FAIM: variants seen among roughly 807,000 people sequenced by gnomAD.
FAIM encodes the protein fas apoptotic inhibitory molecule 1.
A neutral mutation model predicts 21.2 loss-of-function variants in FAIM; 14 were observed. That is an observed-to-expected ratio of 0.66 (90% confidence interval 0.44 to 1.03). FAIM has a LOEUF of 1.03. Ranked by LOEUF, FAIM falls within the 50% of genes least tolerant of loss-of-function variation. The probability of loss-of-function intolerance (pLI) is 0.00; values close to 1 mark genes in which losing one functional copy is unlikely to be tolerated. For synonymous variants in FAIM, 86 were observed against 80.4 expected, an observed-to-expected ratio of 1.07 and a Z score of -0.37; for missense variants, 222 against 247.1, an observed-to-expected ratio of 0.90 and a Z score of 0.68.
At chr3:138,619,518 G>A (rs898543128) in intron 1 of FAIM, among the ~76,000 whole-genome samples, 193 bp from the exon 2 acceptor site, 2 of 152,202 alleles carry the variant, frequency 1.3e-5, no homozygotes, top group Admixed American at 1.3e-4. Flanking sequence ...TTTGCATGAT[G>A]TAACATCTTT....
At chr3:138,627,597 A>T (rs969670207) in intron 4 of FAIM, among the ~76,000 whole-genome samples, 4 of 152,204 alleles carry the variant, frequency 2.6e-5, no homozygotes, top group Non-Finnish European at 4.4e-5. Context: ...GTACACGTAC[A>T]TGTTCAGTAA....
intron 2 of FAIM, 33 bp from the exon 3 acceptor site, chr3:138,621,374 G>A: frequency 6.2e-7 from 1 of 1,600,556 alleles, no homozygotes. Flanking sequence ...TAGTATTTTG[G>A]CCTACTATAA....
At chr3:138,615,704 A>T (rs1307077514) in intron 1 of FAIM, among the ~76,000 whole-genome samples, 1 of 152,224 alleles carries the variant, frequency 6.6e-6, no homozygotes, top group African/African-American at 2.4e-5. Context: ...TTTCCCTGAT[A>T]TGAATGGCCA....
At chr3:138,629,032 G>A in intron 4 of FAIM, 75 bp from the exon 5 acceptor site, 2 of 1,154,522 alleles carry the variant, frequency 1.7e-6, no homozygotes, top group South Asian at 1.4e-5. Flanking sequence ...CTTTCCTAAA[G>A]TAATAAATAG....
intron 4 of FAIM, among the ~76,000 whole-genome samples, chr3:138,626,316 G>A (rs1374976227): frequency 1.3e-5 from 2 of 152,118 alleles, no homozygotes; most frequent in Non-Finnish European, 1.5e-5. Flanking sequence ...AAATCAAAAT[G>A]CTATTAAAAG....
chr3:138,616,708 GA>G (rs1453477292), intron 1 of FAIM, among the ~76,000 whole-genome samples: 2 of 152,076 alleles, frequency 1.3e-5, no homozygotes, highest in African/African-American at 4.8e-5. Flanking sequence ...TTTATAAAAA[GA>G]TTTTTTTAGT....
chr3:138,617,665 T>C (rs1267867282), intron 1 of FAIM, among the ~76,000 whole-genome samples: 1 of 140,430 alleles, frequency 7.1e-6, no homozygotes, highest in African/African-American at 2.6e-5. Context: ...AATATATATA[T>C]ATATGTTTTG....
At chr3:138,609,578 ACTCTCTCTCTCTCGACTCT>A (rs2042740093) in intron 1 of FAIM, among the ~76,000 whole-genome samples, 3 of 4,700 alleles carry the variant, frequency 6.4e-4, no homozygotes, top group African/African-American at 8.6e-4. Context: ...CTCTCTCTCG[ACTCTCTCTCTCTCGACTCT>A]CTCTCTCTCT....
In FAIM at chr3:138,621,516, C is replaced by T. The variant is rs775452682; in HGVS notation, c.154C>T (p.Arg52Ter). ...EFEHGTTSGK[R>*]VVYVDGKEEI... ...TGAACATGGGACTACATCAGGCAAA[C>T]GAGTAGTATATGTAGATGGAAAGGT... is the stretch of plus-strand genomic sequence containing the variant. The change falls in exon 3 of 6, where the codon CGA (arginine) becomes TGA (stop). Residue 52 changes from arginine to a stop codon, truncating the protein, a stop_gained. Transcript: ENST00000360570. LOFTEE classifies it high-confidence loss of function. 1.9e-5 allele frequency: 30 copies of T among 1,613,262 alleles called. No individual in the cohort carries two copies. The highest frequency in any genetic ancestry group is 8.0e-5 in the African/African-American group (6 of 74,752).
chr3:138,622,442 CTTTTTT>C (rs11303336), intron 4 of FAIM, 26 bp downstream of exon 4: 1 of 1,103,078 alleles, frequency 9.1e-7, no homozygotes. Flanking sequence ...TTCCGCAGAA[CTTTTTT>C]TTTTTTTTTA....
chr3:138,631,593 A>G (rs1038425312), intron 5 of FAIM, among the ~76,000 whole-genome samples: 1 of 152,194 alleles, frequency 6.6e-6, no homozygotes, highest in Non-Finnish European at 1.5e-5. Flanking sequence ...GGGCAGCCCC[A>G]TATCTAGGCA....
chr3:138,628,191 A>T (rs1002037694), intron 4 of FAIM, among the ~76,000 whole-genome samples: 4 of 152,028 alleles, frequency 2.6e-5, no homozygotes, highest in African/African-American at 9.7e-5. Context: ...AGCTATACCT[A>T]TTTTTTACTT....
At chr3:138,632,248 A>T (rs1212365440) in intron 5 of FAIM, among the ~76,000 whole-genome samples, 1 of 151,646 alleles carries the variant, frequency 6.6e-6, no homozygotes, top group Non-Finnish European at 1.5e-5. Flanking sequence ...ATTTAAATCA[A>T]TATACCAAAA....
chr3:138,624,921 T>C (rs1443717836), intron 4 of FAIM, among the ~76,000 whole-genome samples: 1 of 152,126 alleles, frequency 6.6e-6, no homozygotes, highest in Non-Finnish European at 1.5e-5. Context: ...ATCCCAGCAC[T>C]TTGGGAGGCT....
chr3:138,613,673 T>TG (rs1445380688), intron 1 of FAIM, among the ~76,000 whole-genome samples: 1 of 151,894 alleles, frequency 6.6e-6, no homozygotes, highest in Non-Finnish European at 1.5e-5. Context: ...TTTGTAGAGA[T>TG]GGGGTCTCCC....
intron 5 of FAIM, chr3:138,631,122 A>G (rs1395583147): frequency 2.0e-5 from 3 of 151,618 alleles, no homozygotes; most frequent in Non-Finnish European, 2.9e-5. Context: ...TCGGTAACAG[A>G]ATGTGAGACC....
At chr3:138,629,361 C>T (rs2042977794) in intron 5 of FAIM, 1 of 474,590 alleles carries the variant, frequency 2.1e-6, no homozygotes, top group East Asian at 3.5e-5. Context: ...AACTCATGTT[C>T]TTAGCTGGCA....
intron 4 of FAIM, among the ~76,000 whole-genome samples, chr3:138,622,764 C>T (rs1318586151): frequency 1.3e-5 from 2 of 151,794 alleles, no homozygotes; most frequent in Admixed American, 6.6e-5. Context: ...TATTGCCAGG[C>T]GCAGTGACTC....
intron 5 of FAIM, chr3:138,630,732 TC>T (rs764000283): frequency 3.9e-5 from 6 of 152,226 alleles, no homozygotes; most frequent in Non-Finnish European, 5.9e-5. Flanking sequence ...GTTCTTTTTT[TC>T]CTACCCTGGA....
Sources: gnomAD v4.1 joint callset for allele counts (sites outside exome capture counted in the v4.1 genomes callset) on GRCh38, gnomAD v4.1.1 for gene constraint, MANE v1.5 for transcripts, NCBI Gene and HGNC (gene_info 2026-07-23, HGNC 2026-07-21) for gene names.